The following OPCML variants were observed in gnomAD, a reference collection of about 807,000 sequenced individuals.
OPCML encodes opioid-binding protein/cell adhesion molecule.
In OPCML, 13 loss-of-function variants were observed where a neutral mutation model predicts 37.8. The observed-to-expected ratio is 0.34, with a 90% confidence interval of 0.22 to 0.55. The LOEUF is 0.55. Among genes scored for constraint, OPCML ranks in the 20% least tolerant of loss-of-function variants. The pLI is 0.91. For synonymous variants in OPCML, 176 were observed against 168.8 expected (o/e 1.04, Z -0.33); for missense variants, 341 against 435.6 (o/e 0.78, Z 1.93).
intron 1 of OPCML, among the ~76,000 whole-genome samples, chr11:133,217,896 G>A (rs1487688002): frequency 6.6e-6 from 1 of 152,010 alleles, no homozygotes. Context: ...ATTTTGAAAG[G>A]TTAGCTTGGT....
At chr11:132,815,766 T>TTA (rs1435455055) in intron 2 of OPCML, among the ~76,000 whole-genome samples, 1 of 152,196 alleles carries the variant, frequency 6.6e-6, no homozygotes, top group Non-Finnish European at 1.5e-5. Flanking sequence ...AAACTCATGT[T>TTA]TATATGTTGT....
intron 2 of OPCML, among the ~76,000 whole-genome samples, chr11:132,695,221 C>G (rs1943559668): frequency 6.6e-6 from 1 of 152,066 alleles, no homozygotes; most frequent in Non-Finnish European, 1.5e-5. Flanking sequence ...GAAGCACGGC[C>G]CCTTAGAACT....
At chr11:132,568,045 C>CGT (rs2096428269) in intron 3 of OPCML, among the ~76,000 whole-genome samples, 1 of 147,210 alleles carries the variant, frequency 6.8e-6, no homozygotes, top group African/African-American at 2.6e-5. Context: ...TGTGTGTGCG[C>CGT]GCGCGCGCGT....
chr11:133,363,842 C>T (rs1944476937), intron 1 of OPCML, among the ~76,000 whole-genome samples: 1 of 152,184 alleles, frequency 6.6e-6, no homozygotes, highest in South Asian at 2.1e-4. Flanking sequence ...TTTCAGGTCA[C>T]TTGTCTCTGT....
chr11:133,386,381 C>A (rs751383541), intron 1 of OPCML, among the ~76,000 whole-genome samples: 1 of 152,124 alleles, frequency 6.6e-6, no homozygotes, highest in Non-Finnish European at 1.5e-5. Context: ...TTGCTTATGG[C>A]GCATTTAATA....
chr11:132,880,378 T>C (rs909840320), intron 2 of OPCML, among the ~76,000 whole-genome samples: 3 of 152,212 alleles, frequency 2.0e-5, no homozygotes, highest in African/African-American at 4.8e-5. Context: ...CCACGGGCCT[T>C]ATCTTTTGAT....
At chr11:132,789,479 T>G (rs1294062172) in intron 2 of OPCML, among the ~76,000 whole-genome samples, 1 of 152,106 alleles carries the variant, frequency 6.6e-6, no homozygotes, top group Non-Finnish European at 1.5e-5. Flanking sequence ...AGAGAATCAG[T>G]CGAGTTCATT....
chr11:133,473,018 T>C (rs1296036275), intron 1 of OPCML, among the ~76,000 whole-genome samples: 1 of 152,140 alleles, frequency 6.6e-6, no homozygotes, highest in Non-Finnish European at 1.5e-5. Flanking sequence ...AGAACCATAC[T>C]GATGCTGCAT....
At chr11:133,045,022 C>T (rs1449318704) in intron 1 of OPCML, among the ~76,000 whole-genome samples, 1 of 152,126 alleles carries the variant, frequency 6.6e-6, no homozygotes, top group African/African-American at 2.4e-5. Flanking sequence ...TTTTCAGAAT[C>T]CACAAAAGTC....
At chr11:133,397,007 T>C (rs1051803245) in intron 1 of OPCML, among the ~76,000 whole-genome samples, 3 of 152,242 alleles carry the variant, frequency 2.0e-5, no homozygotes, top group African/African-American at 7.2e-5. Flanking sequence ...CCCATGTTCA[T>C]CACTCCTCAA....
At chr11:132,756,742 G>A (rs73601340) in intron 2 of OPCML, among the ~76,000 whole-genome samples, 33 of 152,176 alleles carry the variant, frequency 2.2e-4, no homozygotes, top group Middle Eastern at 3.4e-3. Context: ...ATAGAATGCC[G>A]TACTAAGAAC....
At chr11:133,191,071 T>G (rs923406528) in intron 1 of OPCML, among the ~76,000 whole-genome samples, 1 of 152,228 alleles carries the variant, frequency 6.6e-6, no homozygotes, top group African/African-American at 2.4e-5. Context: ...AGACTTTTTT[T>G]GAAAACGGCT....
At chr11:133,288,640 C>T (rs1312080398) in intron 1 of OPCML, among the ~76,000 whole-genome samples, 1 of 152,152 alleles carries the variant, frequency 6.6e-6, no homozygotes, top group East Asian at 1.9e-4. Flanking sequence ...CATATGGACA[C>T]CCAGGGTCTA....
chr11:133,260,066 G>A (rs1941442758), intron 1 of OPCML, among the ~76,000 whole-genome samples: 1 of 151,970 alleles, frequency 6.6e-6, no homozygotes, highest in African/African-American at 2.4e-5. Context: ...ACGATTTTAT[G>A]TAATAGGTGG....
chr11:133,363,773 T>A (rs1944474809), intron 1 of OPCML, among the ~76,000 whole-genome samples: 1 of 151,998 alleles, frequency 6.6e-6, no homozygotes, highest in African/African-American at 2.4e-5. Flanking sequence ...TCTGGGAAGC[T>A]GTATCCCAAG....
chr11:133,073,666 A>G (rs1331047805), intron 1 of OPCML, among the ~76,000 whole-genome samples: 3 of 152,222 alleles, frequency 2.0e-5, no homozygotes, highest in African/African-American at 7.2e-5. Context: ...CTCAGTAAAT[A>G]GGTAGCAAAT....
chr11:132,564,631 G>A (rs1243778387), intron 3 of OPCML, among the ~76,000 whole-genome samples: 6 of 152,102 alleles, frequency 3.9e-5, no homozygotes. Flanking sequence ...TTAGAAAGTA[G>A]GCTTCCAAAA....
intron 1 of OPCML, among the ~76,000 whole-genome samples, chr11:133,330,037 C>A (rs1415933453): frequency 2.0e-5 from 3 of 152,192 alleles, no homozygotes; most frequent in Non-Finnish European, 4.4e-5. Flanking sequence ...TATGAACAGA[C>A]ACTTCTCAAA....
At chr11:132,735,773 G>A (rs563275233) in intron 2 of OPCML, among the ~76,000 whole-genome samples, 8 of 152,222 alleles carry the variant, frequency 5.3e-5, no homozygotes, top group East Asian at 1.9e-4. Context: ...GTGAGCCACC[G>A]CACCTGGCCA....
Sources: gnomAD v4.1 joint callset for allele counts (sites outside exome capture counted in the v4.1 genomes callset) on GRCh38, gnomAD v4.1.1 for gene constraint, MANE v1.5 for transcripts, NCBI Gene and HGNC (gene_info 2026-07-23, HGNC 2026-07-21) for gene names.